The following PAM variants were observed in gnomAD, a reference collection of about 807,000 sequenced individuals.
PAM encodes peptidyl-glycine alpha-amidating monooxygenase.
In PAM, 72 loss-of-function variants were observed where a neutral mutation model predicts 122.1. That is an observed-to-expected ratio of 0.59 (90% CI 0.49 to 0.72). The LOEUF (loss-of-function observed/expected upper bound fraction) is 0.72. PAM is among the 30% of genes least tolerant of loss of function. The pLI, the probability that PAM is intolerant of heterozygous loss-of-function variation, is 0.00. For synonymous variants in PAM, 389 were observed against 404.4 expected, an observed-to-expected ratio of 0.96 and a Z score of 0.46; for missense variants, 1,106 against 1,183.7, an observed-to-expected ratio of 0.93 and a Z score of 0.96.
chr5:102,928,276 A>G (rs1750294616), intron 7 of PAM, among the ~76,000 whole-genome samples: 1 of 152,210 alleles, frequency 6.6e-6, no homozygotes, highest in South Asian at 2.1e-4. Context: ...AACACATGAT[A>G]TATGCTTGTT....
At chr5:102,997,496 G>A (rs1776099857) in intron 16 of PAM, among the ~76,000 whole-genome samples, 1 of 151,796 alleles carries the variant, frequency 6.6e-6, no homozygotes, top group Non-Finnish European at 1.5e-5. Context: ...TCCAACCTGA[G>A]CAACAGAGAC....
chr5:102,860,649 G>A (rs2150869337), intron 1 of PAM, among the ~76,000 whole-genome samples: 1 of 151,714 alleles, frequency 6.6e-6, no homozygotes, highest in South Asian at 2.1e-4. Flanking sequence ...TCATGCCACT[G>A]TACTCCAGCC....
chr5:102,867,311 T>G lies in PAM; in HGVS notation c.128T>G (p.Leu43Arg), dbSNP rs1470690578. 1 of 1,603,854 alleles carries G rather than the reference T, an allele frequency of 6.2e-7. No individual in the cohort carries two copies. ...ACCAGACCATTTTCCAATGAATGTC[T>G]TGGTACCACCAGACCCGTAGTTCCT... Reference protein sequence around the residue: ...ETTRPFSNECLGTTRPVVPID... With the variant: ...ETTRPFSNECRGTTRPVVPID... Residue 43 changes from leucine (L) to arginine (R), a missense_variant, in exon 3 of 26, where the codon CTT (leucine) becomes CGT (arginine). Physicochemically the swap from Leu to Arg is moderately radical, Grantham distance 102 (BLOSUM62 -2). Around this residue, in one of 3 missense-constraint regions of PAM, gnomAD observed 670 missense variants for 690.3 expected, o/e 0.97. Coordinates refer to ENST00000438793, the MANE Select transcript of PAM (RefSeq NM_001177306.2).
At chr5:103,028,122 G>T in intron 24 of PAM, 63 bp from the exon 25 acceptor site, 2 of 1,243,150 alleles carry the variant, frequency 1.6e-6, no homozygotes, top group South Asian at 2.4e-5. Context: ...GTTGGAAGTT[G>T]AGTGCATGGG....
chr5:102,989,059 C>T (rs925234095), intron 15 of PAM, among the ~76,000 whole-genome samples: 3 of 152,162 alleles, frequency 2.0e-5, no homozygotes, highest in African/African-American at 4.8e-5. Context: ...CTGCTTTTCT[C>T]CTCAGAATCT....
In PAM at chr5:103,029,431, C is replaced by A. The variant is rs1296849949; in HGVS notation, c.*366C>A. 6.1e-6 allele frequency: 1 copy of A among 163,814 alleles called. No homozygotes were observed. The highest frequency in any genetic ancestry group is 1.3e-5 in the Non-Finnish European group (1 of 75,916). 10.1% of individuals were successfully genotyped at this position (163,814 alleles called of 1,614,324 possible). A position where few individuals can be genotyped will look rare whatever the true frequency, so the allele number is the denominator to read the frequency against. ...TATTTTCCCAATAGCACTTTCATTG[C>A]CAGTGTCTTTCTTTGGTGCCTTTCC... is the stretch of plus-strand genomic sequence containing the variant. On this transcript the variant is annotated 3_prime_UTR_variant, in exon 26 of 26. Transcript: ENST00000438793.
rs941481993 is a variant in PAM at position 102,953,044 on chromosome 5, A to G, written c.905+2224A>G. Among the ~76,000 whole-genome samples the G allele has an allele frequency of 4.6e-5, 7 of 152,172 alleles. No individual in the cohort carries two copies. The East Asian group carries it at 5.8e-4, about 13-fold the overall frequency. Reference sequence around the variant, plus strand: ...TTCAAGTTTTAAACCTTTCTGTTCTATGGTTACATAGAAACTAGGTTTTAC... The same window carrying G: ...TTCAAGTTTTAAACCTTTCTGTTCTGTGGTTACATAGAAACTAGGTTTTAC... On this transcript the variant is annotated intron_variant, in intron 12 of 25. Coordinates refer to ENST00000438793, the MANE Select transcript of PAM (RefSeq NM_001177306.2).
intron 15 of PAM, chr5:102,974,752 A>G (rs1053542877): frequency 1.5e-5 from 3 of 206,656 alleles, no homozygotes; most frequent in African/African-American, 6.9e-5. Flanking sequence ...ACAATTGAAT[A>G]TTTTTCATTT....
At chr5:102,926,013 T>C (rs1749340624) in intron 6 of PAM, among the ~76,000 whole-genome samples, 1 of 152,214 alleles carries the variant, frequency 6.6e-6, no homozygotes, top group South Asian at 2.1e-4. Flanking sequence ...TCCTAAGAGG[T>C]CTATTTCCTA....
chr5:102,973,085 G>A (rs1234805448), intron 14 of PAM, among the ~76,000 whole-genome samples: 1 of 152,088 alleles, frequency 6.6e-6, no homozygotes, highest in Admixed American at 6.5e-5. Flanking sequence ...TTCTAATTGT[G>A]CTGTAAATGT....
intron 1 of PAM, among the ~76,000 whole-genome samples, chr5:102,769,501 C>A (rs1448662799): frequency 6.6e-6 from 1 of 152,072 alleles, no homozygotes; most frequent in African/African-American, 2.4e-5. Flanking sequence ...AGATTTAAGT[C>A]TTTAATCCAT....
intron 3 of PAM, among the ~76,000 whole-genome samples, chr5:102,876,619 G>A (rs1017608477): frequency 6.6e-6 from 1 of 152,168 alleles, no homozygotes; most frequent in Non-Finnish European, 1.5e-5. Context: ...GGATTTTACA[G>A]AAGTAACTGG....
intron 16 of PAM, among the ~76,000 whole-genome samples, chr5:102,994,444 A>T (rs969800014): frequency 1.3e-5 from 2 of 152,188 alleles, no homozygotes; most frequent in African/African-American, 4.8e-5. Flanking sequence ...ATTTATTTCA[A>T]CTGAAGGAAT....
chr5:102,996,429 A>G (rs928952003), intron 16 of PAM, among the ~76,000 whole-genome samples: 4 of 152,244 alleles, frequency 2.6e-5, no homozygotes, highest in African/African-American at 9.6e-5. Context: ...CGGTGTATCC[A>G]GCTCTATAAT....
intron 1 of PAM, among the ~76,000 whole-genome samples, chr5:102,755,623 C>T (rs1198185444): frequency 6.6e-6 from 1 of 152,098 alleles, no homozygotes; most frequent in Non-Finnish European, 1.5e-5. Flanking sequence ...AAGTCCCTGG[C>T]CAGTTTGTGA....
intron 1 of PAM, among the ~76,000 whole-genome samples, chr5:102,773,948 A>G (rs1429558090): frequency 6.6e-6 from 1 of 152,048 alleles, no homozygotes; most frequent in Non-Finnish European, 1.5e-5. Flanking sequence ...GCCCCCACTT[A>G]TAAGTGAGAA....
At chr5:102,778,454 C>T (rs1757764844) in intron 1 of PAM, among the ~76,000 whole-genome samples, 1 of 152,050 alleles carries the variant, frequency 6.6e-6, no homozygotes, top group Non-Finnish European at 1.5e-5. Context: ...TGTAACATTA[C>T]CAAAAATCAT....
At chr5:102,917,298 C>T (rs954472888) in intron 5 of PAM, among the ~76,000 whole-genome samples, 11 of 152,238 alleles carry the variant, frequency 7.2e-5, no homozygotes, top group Middle Eastern at 3.4e-3. Context: ...CAGTGTCAAA[C>T]GTCTTGCATT....
intron 1 of PAM, among the ~76,000 whole-genome samples, chr5:102,795,680 C>T (rs1164662097): frequency 1.3e-5 from 2 of 152,098 alleles, no homozygotes; most frequent in African/African-American, 2.4e-5. Context: ...GTGCTGCTGC[C>T]GTGTGGTTGG....
Sources: allele counts gnomAD v4.1 joint callset (sites outside exome capture counted in the v4.1 genomes callset), GRCh38; gene constraint gnomAD v4.1.1; regional missense constraint gnomAD v4.1.1; transcripts MANE v1.5; gene names NCBI Gene and HGNC (gene_info 2026-07-23, HGNC 2026-07-21).